The following ZNF512 variants were observed in gnomAD, a reference collection of about 807,000 sequenced individuals.
ZNF512 encodes zinc finger protein 512.
A neutral mutation model predicts 77.5 loss-of-function variants in ZNF512; 25 were observed. That is an observed-to-expected ratio of 0.32 (90% confidence interval 0.23 to 0.45). The LOEUF (loss-of-function observed/expected upper bound fraction) is 0.45. Among genes scored for constraint, ZNF512 ranks in the 20% least tolerant of loss-of-function variants. The pLI is 1.00. For synonymous variants in ZNF512, 246 were observed against 239.9 expected (o/e 1.03, Z -0.24); for missense variants, 483 against 692.6 (o/e 0.70, Z 3.40).
Position 27,590,238 on chromosome 2 carries a change from T to G in ZNF512, c.89+6522T>G, listed in dbSNP as rs369586081. Among the ~76,000 whole-genome samples the G allele has an allele frequency of 3.4e-4, 52 of 152,360 alleles. 1 individual carries two copies. Among genetic ancestry groups the G allele is most frequent in the African/African-American group, 1.3e-3 (52 of 41,582 alleles). On this transcript the variant is annotated intron_variant, in intron 2 of 13. Transcript: ENST00000355467. ...CGCTTTGTGTATTTTGAGGCTCTAT[T>G]ATTAGGCACATACAGTGGGTAATTA...
intron 2 of ZNF512, among the ~76,000 whole-genome samples, chr2:27,594,792 G>T (rs1671777831): frequency 6.6e-6 from 1 of 152,170 alleles, no homozygotes; most frequent in African/African-American, 2.4e-5. Context: ...CTGGGAGGTG[G>T]AGGTTGTAGC....
At position 27,587,902 on chromosome 2, in the gene ZNF512, A is replaced by T. The variant is rs906148923; in HGVS notation, c.89+4186A>T. Among the ~76,000 whole-genome samples, 3 of 151,224 alleles carry T rather than the reference A, an allele frequency of 2.0e-5. 1 individual carries two copies. The highest frequency in any genetic ancestry group is 4.4e-5 in the Non-Finnish European group (3 of 67,840). ...TCCATGTTGGTCAGGCTGGTCTCGA[A>T]CTCCCAACCTCAGGTGATCTGCCCA... On this transcript the variant is annotated intron_variant, in intron 2 of 13. Coordinates refer to ENST00000355467, the MANE Select transcript of ZNF512 (RefSeq NM_032434.4).
chr2:27,607,461 T>C (rs1672421503), intron 9 of ZNF512, among the ~76,000 whole-genome samples: 1 of 151,790 alleles, frequency 6.6e-6, no homozygotes, highest in Admixed American at 6.6e-5. Context: ...TCCACCTCCC[T>C]GGTTCAAGCG....
chr2:27,591,064 TCTCA>T (rs1671552471), intron 2 of ZNF512, among the ~76,000 whole-genome samples: 1 of 152,178 alleles, frequency 6.6e-6, no homozygotes, highest in Admixed American at 6.5e-5. Context: ...AGAGACAGGG[TCTCA>T]CTCTGTTGCC....
At chr2:27,599,835 C>G in intron 4 of ZNF512, 135 bp from the exon 5 acceptor site, 1 of 1,199,934 alleles carries the variant, frequency 8.3e-7, no homozygotes, top group Non-Finnish European at 1.2e-6. Flanking sequence ...TCATTATACC[C>G]TTTCATTCTG....
intron 10 of ZNF512, among the ~76,000 whole-genome samples, chr2:27,612,103 TAAGTA>T (rs1213807384): frequency 7.9e-5 from 12 of 152,242 alleles, no homozygotes; most frequent in South Asian, 4.1e-4. Flanking sequence ...TCTATTTGTA[TAAGTA>T]AAGACTCAAT....
At chr2:27,611,642 T>G (rs576255834) in intron 10 of ZNF512, among the ~76,000 whole-genome samples, 4 of 152,178 alleles carry the variant, frequency 2.6e-5, no homozygotes, top group Non-Finnish European at 5.9e-5. Context: ...ATCCTGTTTC[T>G]TATCATACTG....
rs765557795 is a variant in ZNF512 at position 27,621,161 on chromosome 2, C to T, written c.1404C>T (p.Phe468=). ...CTATTTTGCCTCTCTAGGACTGGTT[C>T]GTTGTAAACCCAACAACAACCAAAA... The part of the protein sequence containing the change: ...HINSVHAEDW[F]VVNPTTTKSF... Residue 468 remains phenylalanine, a synonymous_variant, in exon 14 of 14, where the codon TTC becomes TTT. Coordinates refer to ENST00000355467, the MANE Select transcript of ZNF512 (RefSeq NM_032434.4). 15 of 1,613,406 alleles carry T rather than the reference C, an allele frequency of 9.3e-6. No individual in the cohort carries two copies. Among genetic ancestry groups the T allele is most frequent in the South Asian group, 6.6e-5 (6 of 91,030 alleles).
chr2:27,591,139 G>A (rs186435436), intron 2 of ZNF512, among the ~76,000 whole-genome samples: 1 of 151,908 alleles, frequency 6.6e-6, no homozygotes, highest in East Asian at 1.9e-4. Context: ...TCAGCTCAAG[G>A]GATCCTCTCA....
Position 27,621,635 on chromosome 2 carries a change from C to A in ZNF512, c.*174C>A, listed in dbSNP as rs1179963531. 7 of 674,702 alleles carry A rather than the reference C, an allele frequency of 1.0e-5. No individual in the cohort carries two copies. The highest frequency in any genetic ancestry group is 9.0e-5 in the African/African-American group (5 of 55,314). 41.8% of individuals were successfully genotyped at this position (674,702 alleles called of 1,614,324 possible). On this transcript the variant is annotated 3_prime_UTR_variant, in exon 14 of 14. Coordinates refer to ENST00000355467, the MANE Select transcript of ZNF512 (RefSeq NM_032434.4). Reference sequence around the variant, plus strand: ...CTTCCCTTCTTACATTTTGATTCCCCCCTCCCCTTTTAGTAGGTTTTCCTG... The same window carrying A: ...CTTCCCTTCTTACATTTTGATTCCCACCTCCCCTTTTAGTAGGTTTTCCTG...
Position 27,599,598 on chromosome 2 carries a change from C to T in ZNF512, c.293C>T (p.Ser98Leu), listed in dbSNP as rs751052657. The T allele has an allele frequency of 6.2e-7, 1 of 1,614,112 alleles. No individual in the cohort carries two copies. The highest frequency in any genetic ancestry group is 1.7e-5 in the Admixed American group (1 of 60,016). ...TSHVEGSGGV[S>L]AKGKRKPRQE... ...GGTACTTCAGGGTCAGGTGGAGTAT[C>T]AGCCAAGGGGAAAAGGAAACCCAGG... is the stretch of plus-strand genomic sequence containing the variant. Residue 98 changes from serine to leucine, a missense_variant, in exon 4 of 14, where the codon TCA becomes TTA. Ser to Leu is a moderately radical substitution (Grantham distance 145). This residue lies in a region of ZNF512 where 159 missense variants were observed against 167.5 expected (regional missense o/e 0.95). Transcript: ENST00000355467.
chr2:27,621,282 CAGCCTGGCATTG>C lies in ZNF512; in HGVS notation c.1529_1540del (p.Pro510_Glu513del). On this transcript the variant is annotated inframe_deletion, in exon 14 of 14. Transcript: ENST00000355467. ...CAGAAGGTCTCTAAGAAGGCGGCAGCAGCCTGGCATTGAGCTTCCCGAGACAGAGCTGAGTCT... is the reference window on the plus strand; with the variant it reads ...CAGAAGGTCTCTAAGAAGGCGGCAGCAGCTTCCCGAGACAGAGCTGAGTCT... The C allele has an allele frequency of 6.2e-7, 1 of 1,614,186 alleles. No individual in the cohort carries two copies. The highest frequency in any genetic ancestry group is 8.5e-7 in the Non-Finnish European group (1 of 1,180,034).
At chr2:27,589,658 A>T in intron 2 of ZNF512, among the ~76,000 whole-genome samples, 1 of 151,930 alleles carries the variant, frequency 6.6e-6, no homozygotes, top group African/African-American at 2.4e-5. Context: ...TAAGTCATTG[A>T]TTTTAGATCG....
At chr2:27,611,044 G>C (rs1672639323) in intron 10 of ZNF512, among the ~76,000 whole-genome samples, 1 of 152,000 alleles carries the variant, frequency 6.6e-6, no homozygotes, top group Non-Finnish European at 1.5e-5. Flanking sequence ...TGTCCCCATG[G>C]TTAACCATTC....
chr2:27,602,491 A>G lies in ZNF512; in HGVS notation c.698A>G (p.Asp233Gly). 1.2e-6 allele frequency: 2 copies of G among 1,613,924 alleles called. No individual in the cohort carries two copies. The highest frequency in any genetic ancestry group is 1.7e-6 in the Non-Finnish European group (2 of 1,179,952). Residue 233 changes from aspartate (D) to glycine (G), a missense_variant, in exon 8 of 14, where the codon GAT (aspartate) becomes GGT (glycine). By Grantham distance (94) the Asp-to-Gly change is moderately conservative. This residue lies in a region of ZNF512 where 324 missense variants were observed against 525.0 expected (regional missense o/e 0.62). Transcript: ENST00000355467. ...LPILKAGDEI[D>G]EPSERERLRT... ...ATTTTGAAAGCCGGAGATGAAATAG[A>G]TGAGCCAAGTGAGAGGGAAAGGCTC...
intron 10 of ZNF512, among the ~76,000 whole-genome samples, chr2:27,610,374 A>AAAAT (rs1672561770): frequency 2.0e-5 from 3 of 147,742 alleles, no homozygotes; most frequent in Non-Finnish European, 4.5e-5. Flanking sequence ...AAAAAAAAAA[A>AAAAT]AAATAAATAA....
intron 9 of ZNF512, among the ~76,000 whole-genome samples, chr2:27,606,966 A>G (rs1672393185): frequency 6.6e-6 from 1 of 152,016 alleles, no homozygotes; most frequent in Non-Finnish European, 1.5e-5. Flanking sequence ...TCCAAAGGCC[A>G]CCTGCATTCC....
intron 13 of ZNF512, among the ~76,000 whole-genome samples, chr2:27,618,110 G>C (rs1164880098): frequency 6.6e-6 from 1 of 152,038 alleles, no homozygotes; most frequent in Non-Finnish European, 1.5e-5. Context: ...AGTAGAGATG[G>C]GGTTTTGCCA....
At position 27,615,205 on chromosome 2, in the gene ZNF512, A is replaced by G. The variant is rs759036076; in HGVS notation, c.1169A>G (p.Gln390Arg). 2 of 1,607,662 alleles carry G rather than the reference A, an allele frequency of 1.2e-6. No homozygotes were observed. Among genetic ancestry groups the G allele is most frequent in the Non-Finnish European group, 1.7e-6 (2 of 1,176,808 alleles). Residue 390 changes from glutamine (Q) to arginine (R), a missense_variant, in exon 11 of 14, where the codon CAG becomes CGG. Coordinates refer to ENST00000355467, the MANE Select transcript of ZNF512 (RefSeq NM_032434.4). ...CGTCCAGGGCTCCCTACCTTCAGCC[A>G]GGAAGTACTACATAAATGGAAGACA... Reference protein sequence around the residue: ...YTRPGLPTFSQEVLHKWKTDI... With the variant: ...YTRPGLPTFSREVLHKWKTDI...
Sources: allele counts gnomAD v4.1 joint callset (sites outside exome capture counted in the v4.1 genomes callset), GRCh38; gene constraint gnomAD v4.1.1; regional missense constraint gnomAD v4.1.1; transcripts MANE v1.5; gene names NCBI Gene and HGNC (gene_info 2026-07-23, HGNC 2026-07-21).